RASGEF1C: variants seen among roughly 807,000 people sequenced by gnomAD.
RASGEF1C encodes ras-GEF domain-containing family member 1C.
In RASGEF1C, 27 loss-of-function variants were observed where a neutral mutation model predicts 58.1. The ratio of observed to expected loss-of-function variants is 0.46; its 90% confidence interval spans 0.34 to 0.64. RASGEF1C has a LOEUF of 0.64. Ranked by LOEUF, RASGEF1C falls within the 30% of genes least tolerant of loss-of-function variation. The pLI is 0.01. For missense variants in RASGEF1C, 502 were observed against 605.1 expected (o/e 0.83, Z 1.79); for synonymous variants, 243 against 246.3 (o/e 0.99, Z 0.13).
At chr5:180,144,904 A>T (rs1372941509) in intron 1 of RASGEF1C, among the ~76,000 whole-genome samples, 1 of 152,120 alleles carries the variant, frequency 6.6e-6, no homozygotes, top group Non-Finnish European at 1.5e-5. Flanking sequence ...ATCATAAAAC[A>T]TTTGTCCTTC....
chr5:180,161,991 C>A (rs899156370), intron 1 of RASGEF1C, among the ~76,000 whole-genome samples: 4 of 152,208 alleles, frequency 2.6e-5, no homozygotes, highest in African/African-American at 9.7e-5. Flanking sequence ...GGTGGGTATC[C>A]CAAAGCAAGT....
chr5:180,119,583 C>A, intron 7 of RASGEF1C, 135 bp from the exon 8 acceptor site: 1 of 680,846 alleles, frequency 1.5e-6, no homozygotes, highest in Non-Finnish European at 2.6e-6. Context: ...TCAGGGTAAA[C>A]AGGGTCTCAG....
intron 1 of RASGEF1C, among the ~76,000 whole-genome samples, chr5:180,142,586 G>C (rs1009040926): frequency 6.6e-6 from 1 of 152,188 alleles, no homozygotes; most frequent in Non-Finnish European, 1.5e-5. Flanking sequence ...GCATGGACGG[G>C]GAGGTGCACA....
intron 1 of RASGEF1C, among the ~76,000 whole-genome samples, chr5:180,147,153 C>T (rs890988477): frequency 6.6e-6 from 1 of 151,546 alleles, no homozygotes; most frequent in African/African-American, 2.4e-5. Flanking sequence ...TAATAGTATC[C>T]CTACTCTCAT....
intron 6 of RASGEF1C, among the ~76,000 whole-genome samples, chr5:180,126,331 C>T (rs113451182): frequency 6.6e-6 from 1 of 152,204 alleles, no homozygotes; most frequent in Non-Finnish European, 1.5e-5. Flanking sequence ...GGTGTGAACC[C>T]GGGAGGCGGA....
chr5:180,207,669 G>A (rs1756513461), intron 1 of RASGEF1C, among the ~76,000 whole-genome samples: 1 of 152,148 alleles, frequency 6.6e-6, no homozygotes, highest in African/African-American at 2.4e-5. Flanking sequence ...GCGCCCACCC[G>A]CCGCCACGGG....
At chr5:180,181,178 G>A (rs1767317603) in intron 1 of RASGEF1C, among the ~76,000 whole-genome samples, 1 of 152,194 alleles carries the variant, frequency 6.6e-6, no homozygotes, top group South Asian at 2.1e-4. Flanking sequence ...AGTCCTGCTG[G>A]GCTGCAATCC....
chr5:180,156,296 C>T lies in RASGEF1C; in HGVS notation c.-6-18238G>A, dbSNP rs1477601805. On this transcript the variant is annotated intron_variant, in intron 1 of 13. Coordinates refer to ENST00000361132, the MANE Select transcript of RASGEF1C (RefSeq NM_175062.4). This position sits in a 1 kb window ranked among gnomAD's most constrained non-coding sequence, Gnocchi z 4.9. ...CGGAGGCTCCAGGAGGTGAGCGGAT[C>T]AGTCTCCAGGCTGTGGTCTGATTCC... Among the ~76,000 whole-genome samples, 8 of 152,170 alleles carry T rather than the reference C, an allele frequency of 5.3e-5. No homozygotes were observed. The highest frequency in any genetic ancestry group is 1.9e-4 in the African/African-American group (8 of 41,454).
chr5:180,192,676 C>A (rs1238213250), intron 1 of RASGEF1C, among the ~76,000 whole-genome samples: 1 of 151,710 alleles, frequency 6.6e-6, no homozygotes, highest in Non-Finnish European at 1.5e-5. Context: ...CTTATAGTGA[C>A]TATACGTAGA....
intron 1 of RASGEF1C, among the ~76,000 whole-genome samples, chr5:180,201,065 T>C (rs575205676): frequency 6.6e-6 from 1 of 152,274 alleles, no homozygotes; most frequent in East Asian, 1.9e-4. Flanking sequence ...ACCAGCGCAC[T>C]ACAGCCTGGG....
rs560246933 is a variant in RASGEF1C at position 180,117,571 on chromosome 5, TC to T, written c.1083+1037del. Among the ~76,000 whole-genome samples, 824 of 152,306 alleles carry T rather than the reference TC, an allele frequency of 5.4e-3. 6 individuals carry two copies. Among genetic ancestry groups the T allele is most frequent in the Non-Finnish European group, 7.2e-3 (491 of 68,028 alleles). ...CTAATCATCAGGATGGTAACAGGTT[TC>T]AAGCCAGAGGATCATTGCAATCCCA... On this transcript the variant is annotated intron_variant, in intron 10 of 13. Transcript: ENST00000361132.
chr5:180,115,830 C>A (rs775091705), intron 10 of RASGEF1C, among the ~76,000 whole-genome samples: 1 of 151,986 alleles, frequency 6.6e-6, no homozygotes, highest in South Asian at 2.1e-4. Context: ...CCTAGTGCCC[C>A]GTCCTACCTC....
intron 1 of RASGEF1C, among the ~76,000 whole-genome samples, chr5:180,167,330 C>T (rs1767038634): frequency 6.6e-6 from 1 of 151,984 alleles, no homozygotes; most frequent in Non-Finnish European, 1.5e-5. Flanking sequence ...GATCCTTTCC[C>T]CTGTCATCTC....
intron 1 of RASGEF1C, among the ~76,000 whole-genome samples, chr5:180,202,457 TTAAAAA>T (rs1463678538): frequency 2.0e-5 from 3 of 152,054 alleles, no homozygotes; most frequent in Non-Finnish European, 2.9e-5. Flanking sequence ...TGATTAAACT[TTAAAAA>T]TAAAGAAAAA....
chr5:180,151,197 A>C (rs1766740137), intron 1 of RASGEF1C, among the ~76,000 whole-genome samples: 1 of 152,248 alleles, frequency 6.6e-6, no homozygotes, highest in Non-Finnish European at 1.5e-5. Flanking sequence ...GACTTTCTTC[A>C]CAGAATTGGA....
At chr5:180,125,507 G>C (rs923474087) in intron 6 of RASGEF1C, among the ~76,000 whole-genome samples, 35 of 152,258 alleles carry the variant, frequency 2.3e-4, no homozygotes, top group African/African-American at 8.0e-4. Context: ...GTCAGGCCGG[G>C]CGTGGTGGTT....
In RASGEF1C at chr5:180,121,664, CACACACACACACACACA is replaced by C. The variant is rs200826809; in HGVS notation, c.715-532_715-516del. Among the ~76,000 whole-genome samples, 114 of 87,778 alleles carry C rather than the reference CACACACACACACACACA, an allele frequency of 1.3e-3. 2 individuals are homozygous for C. In the East Asian group the frequency reaches 0.039, roughly 30 times the overall value. The allele number at this position is 87,778 out of a possible 152,430, so 57.6% of individuals were successfully genotyped here. A position where few individuals can be genotyped will look rare whatever the true frequency, so the allele number is the denominator to read the frequency against. The stretch of plus-strand genomic sequence containing the variant: ...ACACACACACACACACACACACACA[CACACACACACACACACA>C]CCCTCATTATTCCTGGATCCTGTAT... On this transcript the variant is annotated intron_variant, in intron 6 of 13. Transcript: ENST00000361132.
At chr5:180,125,132 C>A (rs990203065) in intron 6 of RASGEF1C, among the ~76,000 whole-genome samples, 1 of 152,032 alleles carries the variant, frequency 6.6e-6, no homozygotes, top group East Asian at 1.9e-4. Context: ...GACTCTGTCT[C>A]AAAAATACCA....
chr5:180,141,109 CAT>C (rs757781447), intron 1 of RASGEF1C, among the ~76,000 whole-genome samples: 4 of 152,222 alleles, frequency 2.6e-5, no homozygotes, highest in Non-Finnish European at 5.9e-5. Context: ...CATGTAAACA[CAT>C]AACCCCTTTT....
Sources: gnomAD v4.1 joint callset for allele counts (sites outside exome capture counted in the v4.1 genomes callset) on GRCh38, gnomAD v4.1.1 for gene constraint, Gnocchi (gnomAD v3.1) non-coding constraint, MANE v1.5 for transcripts, NCBI Gene and HGNC (gene_info 2026-07-23, HGNC 2026-07-21) for gene names.